The following SLC22A15 variants were observed in gnomAD, a reference collection of about 807,000 sequenced individuals.
SLC22A15 encodes the protein solute carrier family 22 member 15.
Under a neutral mutation model 62.7 loss-of-function variants are expected in SLC22A15, and 45 were observed. The ratio of observed to expected loss-of-function variants is 0.72; its 90% CI spans 0.56 to 0.92. The LOEUF is 0.92. Ranked by LOEUF, SLC22A15 falls within the 40% of genes least tolerant of loss-of-function variation. SLC22A15 has a pLI of 0.00. For synonymous variants in SLC22A15, 264 were observed against 267.0 expected (o/e 0.99, Z 0.11); for missense variants, 622 against 665.6 (o/e 0.93, Z 0.72).
chr1:115,997,236 T>G (rs1304202417), intron 2 of SLC22A15, among the ~76,000 whole-genome samples: 2 of 143,214 alleles, frequency 1.4e-5, no homozygotes, highest in African/African-American at 5.0e-5. Context: ...TGCTCCAGTT[T>G]TGTTGTTGTT....
intron 8 of SLC22A15, among the ~76,000 whole-genome samples, chr1:116,060,973 G>A (rs1212348550): frequency 6.6e-6 from 1 of 152,142 alleles, no homozygotes; most frequent in Non-Finnish European, 1.5e-5. Context: ...AGTTAAGCAG[G>A]GAAGGTGAAA....
chr1:116,058,264 T>A (rs1658277558), intron 8 of SLC22A15, among the ~76,000 whole-genome samples: 1 of 151,414 alleles, frequency 6.6e-6, no homozygotes, highest in Admixed American at 6.6e-5. Context: ...CTCAAACAAA[T>A]CAGTAAGGAA....
intron 8 of SLC22A15, 56 bp downstream of exon 8, chr1:116,037,444 C>A: frequency 3.2e-6 from 4 of 1,265,702 alleles, no homozygotes; most frequent in South Asian, 2.4e-5. Context: ...TACAATGAAT[C>A]ATAATATAGT....
intron 5 of SLC22A15, among the ~76,000 whole-genome samples, chr1:116,028,551 A>AT (rs1657221050): frequency 7.5e-6 from 1 of 132,524 alleles, no homozygotes; most frequent in Non-Finnish European, 1.6e-5. Flanking sequence ...TTTTTTTTAA[A>AT]ATATATAGTC....
chr1:116,007,444 T>G (rs996217306), intron 2 of SLC22A15, among the ~76,000 whole-genome samples: 1 of 152,184 alleles, frequency 6.6e-6, no homozygotes, highest in Non-Finnish European at 1.5e-5. Flanking sequence ...GCCTACTTGT[T>G]GGAGGAGTAC....
rs531711940 is a variant in SLC22A15 at position 116,004,057 on chromosome 1, T to C, written c.300+11814T>C. Among the ~76,000 whole-genome samples, 7 of 152,300 alleles carry C rather than the reference T, an allele frequency of 4.6e-5. No individual in the cohort carries two copies. The East Asian group carries it at 1.4e-3, about 29-fold the overall frequency. ...AGACCCCTCATTTATCATGACTGCTTCCTTACCTCTCCTTAATTCCTGTTT... is the reference window on the plus strand; with the variant it reads ...AGACCCCTCATTTATCATGACTGCTCCCTTACCTCTCCTTAATTCCTGTTT... On this transcript the variant is annotated intron_variant, in intron 2 of 11. Transcript: ENST00000369503.
At chr1:116,046,327 G>GAAA (rs1657929338) in intron 8 of SLC22A15, among the ~76,000 whole-genome samples, 1 of 152,064 alleles carries the variant, frequency 6.6e-6, no homozygotes, top group Non-Finnish European at 1.5e-5. Context: ...CACAAACTGG[G>GAAA]AGAAAATATC....
chr1:116,041,239 T>A (rs1657776577), intron 8 of SLC22A15, among the ~76,000 whole-genome samples: 1 of 152,212 alleles, frequency 6.6e-6, no homozygotes, highest in Non-Finnish European at 1.5e-5. Context: ...TTTATTTGAC[T>A]TCTCTAGTGT....
chr1:116,061,161 T>A (rs1385671950), intron 8 of SLC22A15, among the ~76,000 whole-genome samples: 4 of 152,088 alleles, frequency 2.6e-5, no homozygotes, highest in Admixed American at 1.3e-4. Context: ...GGAACACGAA[T>A]ACAAGGAAGT....
intron 8 of SLC22A15, among the ~76,000 whole-genome samples, chr1:116,055,708 T>C (rs1039959411): frequency 2.0e-5 from 3 of 151,624 alleles, no homozygotes; most frequent in Non-Finnish European, 4.4e-5. Flanking sequence ...TTATCCACCA[T>C]GATCAAGTGG....
chr1:116,036,577 C>T (rs1006616842), intron 7 of SLC22A15, among the ~76,000 whole-genome samples: 31 of 152,252 alleles, frequency 2.0e-4, no homozygotes, highest in African/African-American at 6.7e-4. Flanking sequence ...CTTCACTAAG[C>T]CTCCCTTCGT....
At chr1:115,994,072 G>A (rs532302898) in intron 2 of SLC22A15, among the ~76,000 whole-genome samples, 41 of 152,152 alleles carry the variant, frequency 2.7e-4, no homozygotes, top group African/African-American at 4.3e-4. Flanking sequence ...TTATTTGCAC[G>A]TATGTTACAG....
At chr1:116,058,836 C>G (rs931968480) in intron 8 of SLC22A15, among the ~76,000 whole-genome samples, 9 of 152,100 alleles carry the variant, frequency 5.9e-5, no homozygotes, top group African/African-American at 2.2e-4. Context: ...AGATTGGAGA[C>G]TATTATTCTA....
intron 8 of SLC22A15, among the ~76,000 whole-genome samples, chr1:116,041,390 G>A (rs1158025778): frequency 6.6e-6 from 1 of 152,092 alleles, no homozygotes; most frequent in Non-Finnish European, 1.5e-5. Context: ...AATGCTATGG[G>A]AACTTTAAGC....
At chr1:116,032,248 A>G in intron 6 of SLC22A15, 1 of 985,470 alleles carries the variant, frequency 1.0e-6, no homozygotes, top group East Asian at 1.1e-4. Flanking sequence ...TCAGCGGTTC[A>G]AGATGGTTTC....
chr1:116,053,651 A>G (rs1171126036), intron 8 of SLC22A15, among the ~76,000 whole-genome samples: 1 of 152,232 alleles, frequency 6.6e-6, no homozygotes, highest in African/African-American at 2.4e-5. Flanking sequence ...GGGCAGCCAG[A>G]GAGAAAGGTT....
chr1:115,983,651 G>A (rs1336109400), intron 1 of SLC22A15, among the ~76,000 whole-genome samples: 1 of 152,200 alleles, frequency 6.6e-6, no homozygotes, highest in Non-Finnish European at 1.5e-5. Context: ...CATCAGAAGT[G>A]ACTGGAATCT....
intron 4 of SLC22A15, among the ~76,000 whole-genome samples, chr1:116,023,404 ATAAT>A (rs1322127371): frequency 6.6e-6 from 1 of 152,226 alleles, no homozygotes; most frequent in Non-Finnish European, 1.5e-5. Flanking sequence ...ATTGTAGAAA[ATAAT>A]TAAGAAATAT....
At chr1:116,062,523 A>G (rs982998756) in intron 8 of SLC22A15, among the ~76,000 whole-genome samples, 2 of 152,218 alleles carry the variant, frequency 1.3e-5, no homozygotes, top group South Asian at 4.1e-4. Flanking sequence ...GGAGTGAGTG[A>G]AAGTTTATCA....
Sources: gnomAD v4.1 joint callset for allele counts (sites outside exome capture counted in the v4.1 genomes callset) on GRCh38, gnomAD v4.1.1 for gene constraint, MANE v1.5 for transcripts, NCBI Gene and HGNC (gene_info 2026-07-23, HGNC 2026-07-21) for gene names.